The following GRK5 variants were observed in gnomAD, a reference collection of about 807,000 sequenced individuals.
The protein encoded by GRK5 is G protein-coupled receptor kinase 5.
GRK5 carries 40 observed loss-of-function variants against 78.4 expected under a neutral mutation model. The ratio of observed to expected loss-of-function variants is 0.51; its 90% CI spans 0.40 to 0.66. The LOEUF is 0.66. Among genes scored for constraint, GRK5 ranks in the 30% least tolerant of loss-of-function variants. The probability of loss-of-function intolerance (pLI) is 0.00; values close to 1 mark genes in which losing one functional copy is unlikely to be tolerated. For missense variants in GRK5, 598 were observed against 759.9 expected (o/e 0.79, Z 2.50); for synonymous variants, 289 against 296.8 (o/e 0.97, Z 0.27).
chr10:119,386,050 A>G (rs986599869), intron 3 of GRK5, among the ~76,000 whole-genome samples: 2 of 152,080 alleles, frequency 1.3e-5, no homozygotes, highest in African/African-American at 4.8e-5. Context: ...ACGCCCAGCT[A>G]ATTTTTGTAT....
intron 1 of GRK5, among the ~76,000 whole-genome samples, chr10:119,301,320 C>T (rs749459765): frequency 3.7e-4 from 57 of 152,304 alleles, no homozygotes; most frequent in Non-Finnish European, 6.6e-4. Flanking sequence ...AAAGGAGCCA[C>T]GCAGCCTTGG....
At chr10:119,343,014 T>C (rs540635857) in intron 2 of GRK5, among the ~76,000 whole-genome samples, 1 of 152,314 alleles carries the variant, frequency 6.6e-6, no homozygotes, top group South Asian at 2.1e-4. Flanking sequence ...GCTTTCACCC[T>C]GGGCAAGATC....
At position 119,453,284 on chromosome 10, in the gene GRK5, A is replaced by T. The variant is rs1589819296; in HGVS notation, c.1674+8A>T. Reference sequence around the variant, plus strand: ...AGACTCTTCAAGCGGCAGGTGAGACACCCATGCCTGGCCAGTCCTGGCATC... The same window carrying T: ...AGACTCTTCAAGCGGCAGGTGAGACTCCCATGCCTGGCCAGTCCTGGCATC... On this transcript the variant is annotated splice_region_variant and intron_variant, in intron 15 of 15. Coordinates refer to ENST00000392870, the MANE Select transcript of GRK5 (RefSeq NM_005308.3). The T allele has an allele frequency of 6.2e-7, 1 of 1,613,722 alleles. No individual in the cohort carries two copies. Among genetic ancestry groups the T allele is most frequent in the Non-Finnish European group, 8.5e-7 (1 of 1,179,946 alleles).
At chr10:119,344,479 G>T (rs896138358) in intron 2 of GRK5, among the ~76,000 whole-genome samples, 3 of 152,118 alleles carry the variant, frequency 2.0e-5, no homozygotes, top group Non-Finnish European at 2.9e-5. Flanking sequence ...TCTTTGTGAC[G>T]CCCGGTCGCA....
chr10:119,333,839 T>C (rs369517548), intron 2 of GRK5: 7 of 532,848 alleles, frequency 1.3e-5, no homozygotes, highest in African/African-American at 1.2e-4. Context: ...GAAATTAAGA[T>C]GAGATGACAA....
intron 4 of GRK5, among the ~76,000 whole-genome samples, chr10:119,409,316 C>T (rs1009366147): frequency 2.0e-5 from 3 of 152,206 alleles, no homozygotes; most frequent in East Asian, 1.9e-4. Flanking sequence ...CGCCTCCTGA[C>T]GCCCTTGAGG....
chr10:119,432,394 A>G (rs867478), intron 8 of GRK5, among the ~76,000 whole-genome samples: 82,284 of 152,188 alleles, frequency 0.54, 22,745 homozygotes, highest in African/African-American at 0.62. Flanking sequence ...GCTGCAGTGA[A>G]CTATGATCGT....
chr10:119,305,381 G>A (rs914964365), intron 1 of GRK5, among the ~76,000 whole-genome samples: 10 of 152,194 alleles, frequency 6.6e-5, no homozygotes, highest in Admixed American at 1.3e-4. Context: ...GCATTCACTC[G>A]TTCACAGACA....
chr10:119,224,416 AT>A (rs1848703220), intron 1 of GRK5, among the ~76,000 whole-genome samples: 2 of 151,506 alleles, frequency 1.3e-5, no homozygotes, highest in African/African-American at 4.8e-5. Context: ...TTATTTATTT[AT>A]TTATTTATTG....
chr10:119,419,372 G>T (rs1161724793), intron 4 of GRK5, among the ~76,000 whole-genome samples: 1 of 152,238 alleles, frequency 6.6e-6, no homozygotes, highest in Admixed American at 6.5e-5. Context: ...TGGTTCCATT[G>T]ATGCAAATAA....
intron 4 of GRK5, among the ~76,000 whole-genome samples, chr10:119,411,684 A>G (rs1208326582): frequency 6.6e-6 from 1 of 152,112 alleles, no homozygotes; most frequent in African/African-American, 2.4e-5. Context: ...TGTGACCTCA[A>G]TTTCCCGGAA....
chr10:119,391,058 T>C (rs1851881116), intron 3 of GRK5, among the ~76,000 whole-genome samples: 1 of 152,230 alleles, frequency 6.6e-6, no homozygotes, highest in Admixed American at 6.5e-5. Context: ...CTGGTGGCTG[T>C]GGTACCTCAG....
intron 3 of GRK5, among the ~76,000 whole-genome samples, chr10:119,389,004 C>T (rs1167534431): frequency 6.6e-6 from 1 of 152,232 alleles, no homozygotes; most frequent in East Asian, 1.9e-4. Flanking sequence ...AGAGCATCTA[C>T]ACCATTTCCC....
intron 1 of GRK5, among the ~76,000 whole-genome samples, chr10:119,245,542 A>T (rs1017489587): frequency 1.3e-5 from 2 of 152,202 alleles, no homozygotes; most frequent in African/African-American, 4.8e-5. Flanking sequence ...CAAATAATGC[A>T]CAATTCCATT....
intron 8 of GRK5, among the ~76,000 whole-genome samples, chr10:119,435,397 A>G (rs983222151): frequency 3.3e-5 from 5 of 152,206 alleles, no homozygotes; most frequent in East Asian, 3.8e-4. Flanking sequence ...AACAGCACCT[A>G]TGTCACCCCT....
chr10:119,426,847 C>G (rs998027426), intron 6 of GRK5, among the ~76,000 whole-genome samples: 1 of 82,454 alleles, frequency 1.2e-5, no homozygotes, highest in Non-Finnish European at 2.6e-5. Context: ...ATCAGCATCA[C>G]CACCATCATC....
At chr10:119,442,801 C>T (rs1048184464) in intron 11 of GRK5, among the ~76,000 whole-genome samples, 3 of 152,216 alleles carry the variant, frequency 2.0e-5, no homozygotes, top group Non-Finnish European at 2.9e-5. Flanking sequence ...GATTGCATGA[C>T]ATTTGGCAAC....
rs554357647 is a variant in GRK5 at position 119,397,857 on chromosome 10, C to T, written c.339+1085C>T. 3.2e-4 allele frequency among the ~76,000 whole-genome samples: 48 copies of T among 152,376 alleles called. 1 individual carries two copies. Among genetic ancestry groups the T allele is most frequent in the Admixed American group, 1.1e-3 (17 of 15,308 alleles). On this transcript the variant is annotated intron_variant, in intron 4 of 15. Transcript: ENST00000392870. ...GCCCCACTCTGGACAGCCTGCTAGACGGCATTCCTAATGCGCACACAGTCG... is the reference window on the plus strand; with the variant it reads ...GCCCCACTCTGGACAGCCTGCTAGATGGCATTCCTAATGCGCACACAGTCG...
At chr10:119,444,618 T>C (rs1320384977) in intron 12 of GRK5, among the ~76,000 whole-genome samples, 4 of 152,070 alleles carry the variant, frequency 2.6e-5, no homozygotes, top group Non-Finnish European at 4.4e-5. Flanking sequence ...GCAGCTGCCC[T>C]CTAATGCCAG....
Sources: allele counts gnomAD v4.1 joint callset (sites outside exome capture counted in the v4.1 genomes callset), GRCh38; gene constraint gnomAD v4.1.1; transcripts MANE v1.5; gene names NCBI Gene and HGNC (gene_info 2026-07-23, HGNC 2026-07-21).